RBFOX1: variants seen among roughly 807,000 people sequenced by gnomAD.
RBFOX1 encodes the protein RNA binding protein fox-1 homolog 1.
In RBFOX1, 8 loss-of-function variants were observed where a neutral mutation model predicts 57.7. That is an observed-to-expected ratio of 0.14 (90% CI 0.08 to 0.25). RBFOX1 has a LOEUF of 0.25. Among genes scored for constraint, RBFOX1 ranks in the 10% least tolerant of loss-of-function variants. RBFOX1 has a pLI of 1.00. For missense variants in RBFOX1, 611 were observed against 548.5 expected (o/e 1.11, Z -1.14); for synonymous variants, 326 against 222.4 (o/e 1.47, Z -4.15).
chr16:7,359,184 GA>G (rs1285592839), intron 4 of RBFOX1, among the ~76,000 whole-genome samples: 1 of 152,172 alleles, frequency 6.6e-6, no homozygotes, highest in Non-Finnish European at 1.5e-5. Flanking sequence ...GCATGTCTCA[GA>G]ACCTCTCTTA....
intron 3 of RBFOX1, among the ~76,000 whole-genome samples, chr16:5,819,964 G>C (rs920737691): frequency 1.3e-5 from 2 of 152,184 alleles, no homozygotes; most frequent in African/African-American, 4.8e-5. Flanking sequence ...CTCTGTTGAG[G>C]TACCTTGCTT....
chr16:5,852,072 T>A (rs2056911310), intron 3 of RBFOX1, among the ~76,000 whole-genome samples: 1 of 152,164 alleles, frequency 6.6e-6, no homozygotes, highest in South Asian at 2.1e-4. Flanking sequence ...GCATTATATG[T>A]TAAAAGTACT....
At chr16:7,639,130 ACAATGAT>A (rs1360330209) in intron 11 of RBFOX1, among the ~76,000 whole-genome samples, 1 of 152,200 alleles carries the variant, frequency 6.6e-6, no homozygotes, top group Non-Finnish European at 1.5e-5. Context: ...TTTTGCTTGC[ACAATGAT>A]CAAATCTGGT....
chr16:7,061,225 T>TA (rs566656669), intron 4 of RBFOX1, among the ~76,000 whole-genome samples: 1 of 152,154 alleles, frequency 6.6e-6, no homozygotes, highest in Non-Finnish European at 1.5e-5. Flanking sequence ...GCTTCTCTAG[T>TA]AAAATAAGAA....
At chr16:7,179,713 G>C (rs1268720760) in intron 4 of RBFOX1, among the ~76,000 whole-genome samples, 1 of 151,730 alleles carries the variant, frequency 6.6e-6, no homozygotes, top group Non-Finnish European at 1.5e-5. Context: ...TCTTTAAAAA[G>C]AAATTCACCA....
intron 4 of RBFOX1, among the ~76,000 whole-genome samples, chr16:7,334,678 G>C (rs1254944909): frequency 6.6e-6 from 1 of 152,124 alleles, no homozygotes; most frequent in Non-Finnish European, 1.5e-5. Flanking sequence ...AATAACTATC[G>C]ATTTGTTGGA....
chr16:6,672,551 A>G (rs538051361), intron 3 of RBFOX1, among the ~76,000 whole-genome samples: 126 of 151,970 alleles, frequency 8.3e-4, no homozygotes, highest in African/African-American at 2.8e-3. Flanking sequence ...GAGAAAGAAA[A>G]GAAAAGAAAA....
intron 3 of RBFOX1, among the ~76,000 whole-genome samples, chr16:6,732,183 G>A (rs1280192056): frequency 6.6e-6 from 1 of 152,106 alleles, no homozygotes; most frequent in Admixed American, 6.6e-5. Flanking sequence ...TCCAAAGATT[G>A]ACTTTCCCTG....
chr16:6,968,070 C>T (rs1021188398), intron 3 of RBFOX1, among the ~76,000 whole-genome samples: 6 of 152,090 alleles, frequency 3.9e-5, no homozygotes, highest in African/African-American at 4.8e-5. Flanking sequence ...GTCTGACCCT[C>T]GGATGCATGA....
intron 2 of RBFOX1, among the ~76,000 whole-genome samples, chr16:5,473,888 G>T (rs1460760686): frequency 1.4e-5 from 2 of 146,316 alleles, no homozygotes; most frequent in Admixed American, 6.9e-5. Context: ...TGTAAGGGGG[G>T]TGGGTAAATG....
At chr16:5,775,598 C>G (rs1011136520) in intron 3 of RBFOX1, among the ~76,000 whole-genome samples, 3 of 152,190 alleles carry the variant, frequency 2.0e-5, no homozygotes, top group Non-Finnish European at 4.4e-5. Flanking sequence ...GGCCTGTTGG[C>G]CATCCATACC....
intron 2 of RBFOX1, among the ~76,000 whole-genome samples, chr16:6,371,845 T>A (rs1325654931): frequency 6.6e-6 from 1 of 152,234 alleles, no homozygotes; most frequent in East Asian, 1.9e-4. Context: ...GGATACATTA[T>A]CTAGGTTAAA....
chr16:7,356,538 GC>G (rs2097217410), intron 4 of RBFOX1, among the ~76,000 whole-genome samples: 1 of 152,134 alleles, frequency 6.6e-6, no homozygotes, highest in African/African-American at 2.4e-5. Context: ...TAGGTGGGGG[GC>G]CGATTGAGGC....
intron 1 of RBFOX1, among the ~76,000 whole-genome samples, chr16:5,422,532 C>A (rs111208301): frequency 0.71 from 34,961 of 49,264 alleles, 12,354 homozygotes; most frequent in East Asian, 0.81. Flanking sequence ...GGAGGAAGGG[C>A]GCATGAGGGG....
At chr16:7,206,314 G>C (rs542533529) in intron 4 of RBFOX1, among the ~76,000 whole-genome samples, 8 of 152,064 alleles carry the variant, frequency 5.3e-5, no homozygotes, top group African/African-American at 1.9e-4. Flanking sequence ...TTCAGGTTGT[G>C]TACCATGCAA....
At chr16:7,601,873 C>T (rs931656631) in intron 9 of RBFOX1, among the ~76,000 whole-genome samples, 12 of 152,246 alleles carry the variant, frequency 7.9e-5, no homozygotes, top group Admixed American at 5.9e-4. Flanking sequence ...AATAAATACA[C>T]GCCGTTAAAG....
intron 1 of RBFOX1, among the ~76,000 whole-genome samples, chr16:6,283,459 A>T (rs1417732786): frequency 1.3e-5 from 2 of 152,202 alleles, no homozygotes; most frequent in African/African-American, 4.8e-5. Flanking sequence ...TCTGCCATTG[A>T]AGTGGAAACA....
chr16:6,025,288 T>G (rs1191824883), intron 1 of RBFOX1, among the ~76,000 whole-genome samples: 1 of 152,138 alleles, frequency 6.6e-6, no homozygotes, highest in Non-Finnish European at 1.5e-5. Context: ...GTCTGAGAAA[T>G]TAAACTCGAT....
chr16:6,983,121 A>G (rs1322657438), intron 3 of RBFOX1, among the ~76,000 whole-genome samples: 1 of 151,976 alleles, frequency 6.6e-6, no homozygotes, highest in Non-Finnish European at 1.5e-5. Context: ...TCCAGATACC[A>G]AAACTCTTAG....
Sources: allele counts gnomAD v4.1 joint callset (sites outside exome capture counted in the v4.1 genomes callset), GRCh38; gene constraint gnomAD v4.1.1; transcripts MANE v1.5; gene names NCBI Gene and HGNC (gene_info 2026-07-23, HGNC 2026-07-21).